Variants in EYS observed in about 807,000 individuals in gnomAD.
The protein encoded by EYS is protein eyes shut homolog.
A neutral mutation model predicts 282.1 loss-of-function variants in EYS; 250 were observed. The observed-to-expected ratio is 0.89, with a 90% CI of 0.80 to 0.98. EYS has a LOEUF of 0.98. Among genes scored for constraint, EYS ranks in the 50% least tolerant of loss-of-function variants. The probability of loss-of-function intolerance (pLI) is 0.00; values close to 1 mark genes in which losing one functional copy is unlikely to be tolerated. For synonymous variants in EYS, 1,355 were observed against 1,282.9 expected, an observed-to-expected ratio of 1.06 and a Z score of -1.20; for missense variants, 4,016 against 3,709.0, an observed-to-expected ratio of 1.08 and a Z score of -2.15.
At chr6:64,452,208 C>G (rs986122973) in intron 26 of EYS, among the ~76,000 whole-genome samples, 40 of 152,002 alleles carry the variant, frequency 2.6e-4, no homozygotes, top group Non-Finnish European at 5.0e-4. Flanking sequence ...TTCTTATACA[C>G]CAATAACAGA....
At chr6:64,820,887 G>C (rs1294086702) in intron 21 of EYS, among the ~76,000 whole-genome samples, 1 of 151,988 alleles carries the variant, frequency 6.6e-6, no homozygotes, top group Non-Finnish European at 1.5e-5. Context: ...AACTAGTATA[G>C]CTATGTTTTA....
rs1774742709 is a variant in EYS at position 64,436,232 on chromosome 6, T to C, written c.5869A>G (p.Lys1957Glu). The C allele has an allele frequency of 6.5e-7, 1 of 1,544,494 alleles. No individual in the cohort carries two copies. The highest frequency in any genetic ancestry group is 1.2e-5 in the South Asian group (1 of 82,934). ...HFYCPGEAKF[K>E]SINTTVRVDN... The stretch of plus-strand genomic sequence containing the variant: ...ACTCTAACAGTAGTATTAATGCTTT[T>C]AAATTTTGCTTCACCAGGACAGTAA... The change falls in exon 28 of 43, where the codon AAA becomes GAA. Residue 1957 changes from lysine (K) to glutamate (E), a missense_variant. By Grantham distance (56) the Lys-to-Glu change is moderately conservative (BLOSUM62 1). Transcript: ENST00000503581.
intron 12 of EYS, among the ~76,000 whole-genome samples, chr6:65,257,891 C>CA (rs1329726959): frequency 6.6e-6 from 1 of 150,512 alleles, no homozygotes; most frequent in Admixed American, 6.7e-5. Context: ...TTAATGAGTT[C>CA]AAAAATATAG....
At chr6:64,182,477 C>T (rs927979886) in intron 31 of EYS, among the ~76,000 whole-genome samples, 1 of 152,002 alleles carries the variant, frequency 6.6e-6, no homozygotes, top group African/African-American at 2.4e-5. Context: ...AAGGGCATTA[C>T]TCCTCCATTC....
intron 29 of EYS, among the ~76,000 whole-genome samples, chr6:64,362,266 G>C (rs969962603): frequency 2.0e-5 from 3 of 151,642 alleles, no homozygotes; most frequent in Admixed American, 6.6e-5. Flanking sequence ...ATAACTAAAC[G>C]TAAGTATAGG....
At chr6:64,179,867 G>C (rs1379683646) in intron 31 of EYS, among the ~76,000 whole-genome samples, 1 of 152,058 alleles carries the variant, frequency 6.6e-6, no homozygotes, top group Non-Finnish European at 1.5e-5. Flanking sequence ...TACAGACAGT[G>C]AATTAAGCAT....
At chr6:63,914,966 T>C (rs1764383014) in intron 35 of EYS, among the ~76,000 whole-genome samples, 1 of 152,290 alleles carries the variant, frequency 6.6e-6, no homozygotes, top group Admixed American at 6.5e-5. Context: ...AAGTGTAAGG[T>C]GAAGCAGCAA....
intron 12 of EYS, among the ~76,000 whole-genome samples, chr6:65,206,996 T>C (rs1178952389): frequency 2.0e-5 from 3 of 151,786 alleles, no homozygotes; most frequent in Non-Finnish European, 4.4e-5. Flanking sequence ...AAAAATACTA[T>C]TCAACATAGT....
At chr6:63,865,839 A>C (rs902218102) in intron 35 of EYS, among the ~76,000 whole-genome samples, 1 of 152,204 alleles carries the variant, frequency 6.6e-6, no homozygotes, top group Non-Finnish European at 1.5e-5. Context: ...AATATTCTCC[A>C]TGATAATGTT....
intron 26 of EYS, among the ~76,000 whole-genome samples, chr6:64,460,753 G>A (rs1464055238): frequency 6.6e-6 from 1 of 152,200 alleles, no homozygotes; most frequent in Non-Finnish European, 1.5e-5. Flanking sequence ...TGATAGTTAA[G>A]AGGAGGAGTA....
Position 63,956,507 on chromosome 6 carries a change from A to C in EYS, c.7055+27876T>G, listed in dbSNP as rs555682966. On this transcript the variant is annotated intron_variant, in intron 35 of 42. Transcript: ENST00000503581. Reference sequence around the variant, plus strand: ...AAAGCCTGTTTGGTGGTCTCTTCACATGGACGTGCATGACACTGCTTTTCC... The same window carrying C: ...AAAGCCTGTTTGGTGGTCTCTTCACCTGGACGTGCATGACACTGCTTTTCC... Among the ~76,000 whole-genome samples, 3 of 152,282 alleles carry C rather than the reference A, an allele frequency of 2.0e-5. No homozygotes were observed. In the East Asian group the frequency reaches 5.8e-4, roughly 29 times the overall value.
chr6:65,165,422 G>T (rs1243756121), intron 12 of EYS, among the ~76,000 whole-genome samples: 1 of 150,554 alleles, frequency 6.6e-6, no homozygotes, highest in Admixed American at 6.6e-5. Flanking sequence ...ATATCATATG[G>T]TTATCCTTGA....
intron 26 of EYS, among the ~76,000 whole-genome samples, chr6:64,521,921 T>C (rs987971315): frequency 6.6e-6 from 1 of 151,718 alleles, no homozygotes; most frequent in African/African-American, 2.4e-5. Flanking sequence ...TACCCAGAAG[T>C]ATAGTCGTAT....
At chr6:65,225,012 A>G (rs940705079) in intron 12 of EYS, among the ~76,000 whole-genome samples, 4 of 152,068 alleles carry the variant, frequency 2.6e-5, no homozygotes, top group Non-Finnish European at 1.5e-5. Flanking sequence ...TAATATCAGA[A>G]ATTTTCAGAT....
chr6:64,167,799 C>T (rs992710633), intron 31 of EYS, among the ~76,000 whole-genome samples: 9 of 151,968 alleles, frequency 5.9e-5, no homozygotes, highest in African/African-American at 1.9e-4. Context: ...TTAAACCACA[C>T]AATATAAATC....
At chr6:64,344,861 C>T (rs904024195) in intron 29 of EYS, among the ~76,000 whole-genome samples, 6 of 152,074 alleles carry the variant, frequency 3.9e-5, no homozygotes, top group Non-Finnish European at 8.8e-5. Flanking sequence ...TCTCAGCATA[C>T]AAAATCAATG....
chr6:64,558,467 A>G lies in EYS; in HGVS notation c.5644+31756T>C, dbSNP rs1001806891. On this transcript the variant is annotated intron_variant, in intron 26 of 42. Coordinates refer to ENST00000503581, the MANE Select transcript of EYS (RefSeq NM_001142800.2). Reference sequence around the variant, plus strand: ...AAGAACTCTTCACCCCAAAATGTCAATAGTTCTGAGGTTGATAAATTTTCC... The same window carrying G: ...AAGAACTCTTCACCCCAAAATGTCAGTAGTTCTGAGGTTGATAAATTTTCC... Among the ~76,000 whole-genome samples the G allele has an allele frequency of 2.6e-5, 4 of 152,252 alleles. No individual in the cohort carries two copies. In the South Asian group the frequency reaches 8.3e-4, roughly 32 times the overall value.
intron 2 of EYS, among the ~76,000 whole-genome samples, chr6:65,500,935 C>A (rs1398315238): frequency 1.3e-5 from 2 of 151,870 alleles, no homozygotes; most frequent in East Asian, 3.9e-4. Flanking sequence ...AAAGTCAGAA[C>A]TTTTTGTTTT....
chr6:64,333,683 C>T (rs1770727157), intron 29 of EYS, among the ~76,000 whole-genome samples: 1 of 152,102 alleles, frequency 6.6e-6, no homozygotes, highest in Admixed American at 6.6e-5. Flanking sequence ...TTCCTCTGGT[C>T]ATCACGAAGA....
Sources: allele counts gnomAD v4.1 joint callset (sites outside exome capture counted in the v4.1 genomes callset), GRCh38; gene constraint gnomAD v4.1.1; transcripts MANE v1.5; gene names NCBI Gene and HGNC (gene_info 2026-07-23, HGNC 2026-07-21).